The following EPHA6 variants were observed in gnomAD, a reference collection of about 807,000 sequenced individuals.
The protein encoded by EPHA6 is ephrin type-A receptor 6.
EPHA6 carries 50 observed loss-of-function variants against 112.0 expected under a neutral mutation model. The observed-to-expected ratio is 0.45, with a 90% CI of 0.36 to 0.56. The LOEUF is 0.56. Among genes scored for constraint, EPHA6 ranks in the 20% least tolerant of loss-of-function variants. The probability of loss-of-function intolerance (pLI) is 0.00; values close to 1 mark genes in which losing one functional copy is unlikely to be tolerated. For synonymous variants in EPHA6, 529 were observed against 490.7 expected, an observed-to-expected ratio of 1.08 and a Z score of -1.03; for missense variants, 1,280 against 1,417.4, an observed-to-expected ratio of 0.90 and a Z score of 1.56.
chr3:97,513,021 A>G (rs1034378256), intron 10 of EPHA6, among the ~76,000 whole-genome samples: 1 of 152,216 alleles, frequency 6.6e-6, no homozygotes, highest in Non-Finnish European at 1.5e-5. Context: ...ATAGAGAGTT[A>G]AATACCGATG....
Position 97,304,689 on chromosome 3 carries a change from G to A in EPHA6, c.1606+60402G>A, listed in dbSNP as rs535242872. Among the ~76,000 whole-genome samples, 8 of 151,976 alleles carry A rather than the reference G, an allele frequency of 5.3e-5. No individual in the cohort carries two copies. The South Asian group carries it at 1.2e-3, about 24-fold the overall frequency. ...AATAGTGCTGGGAAAACTGCCTATCGATATGCACAAAATTGAAATTGGACC... is the reference window on the plus strand; with the variant it reads ...AATAGTGCTGGGAAAACTGCCTATCAATATGCACAAAATTGAAATTGGACC... On this transcript the variant is annotated intron_variant, in intron 5 of 17. Transcript: ENST00000389672.
At chr3:97,185,442 G>T (rs2077100151) in intron 3 of EPHA6, among the ~76,000 whole-genome samples, 2 of 152,090 alleles carry the variant, frequency 1.3e-5, no homozygotes, top group Admixed American at 6.6e-5. Flanking sequence ...AGACATTTAT[G>T]CAGCCAACAG....
At chr3:96,816,657 C>G (rs545321634) in intron 1 of EPHA6, among the ~76,000 whole-genome samples, 5 of 151,956 alleles carry the variant, frequency 3.3e-5, no homozygotes, top group Non-Finnish European at 7.4e-5. Flanking sequence ...GCAATAATTT[C>G]CCCAAACAAT....
chr3:97,578,411 CA>C (rs2093407641), intron 11 of EPHA6, among the ~76,000 whole-genome samples: 2 of 152,186 alleles, frequency 1.3e-5, no homozygotes, highest in African/African-American at 4.8e-5. Flanking sequence ...CTGGAAATTG[CA>C]AACACTACTT....
intron 14 of EPHA6, among the ~76,000 whole-genome samples, chr3:97,701,421 G>T (rs1364840422): frequency 6.6e-6 from 1 of 152,088 alleles, no homozygotes; most frequent in Non-Finnish European, 1.5e-5. Context: ...AGGGACAGAT[G>T]CATCATTTAA....
intron 11 of EPHA6, among the ~76,000 whole-genome samples, chr3:97,538,110 C>G (rs2092788822): frequency 6.6e-6 from 1 of 151,806 alleles, no homozygotes; most frequent in South Asian, 2.1e-4. Context: ...ACCTAATAAG[C>G]AAAGTAATAA....
At chr3:97,032,828 A>G (rs2044921890) in intron 3 of EPHA6, among the ~76,000 whole-genome samples, 1 of 151,968 alleles carries the variant, frequency 6.6e-6, no homozygotes, top group Admixed American at 6.6e-5. Context: ...AAGGCAAAAT[A>G]TTTTTTATCG....
intron 14 of EPHA6, among the ~76,000 whole-genome samples, chr3:97,684,853 C>A (rs1383073634): frequency 6.6e-6 from 1 of 152,124 alleles, no homozygotes; most frequent in Non-Finnish European, 1.5e-5. Flanking sequence ...CAGATCCAGT[C>A]AAAACAGAAG....
chr3:97,068,662 C>T (rs1424806706), intron 3 of EPHA6, among the ~76,000 whole-genome samples: 1 of 151,770 alleles, frequency 6.6e-6, no homozygotes, highest in East Asian at 1.9e-4. Flanking sequence ...AATGTTTTAC[C>T]CCTACCCCAC....
intron 2 of EPHA6, among the ~76,000 whole-genome samples, chr3:96,901,341 A>T (rs2038598714): frequency 6.6e-6 from 1 of 152,146 alleles, no homozygotes; most frequent in African/African-American, 2.4e-5. Flanking sequence ...TTTGGGGACT[A>T]TACATGTATG....
intron 7 of EPHA6, among the ~76,000 whole-genome samples, chr3:97,457,493 A>T (rs2107362794): frequency 6.6e-6 from 1 of 152,318 alleles, no homozygotes; most frequent in East Asian, 1.9e-4. Flanking sequence ...AAAAATGTCC[A>T]AGTCAGGTTA....
intron 3 of EPHA6, among the ~76,000 whole-genome samples, chr3:97,014,292 C>T (rs2044191508): frequency 6.6e-6 from 1 of 151,574 alleles, no homozygotes; most frequent in South Asian, 2.1e-4. Flanking sequence ...AATTTTACTT[C>T]CTTCCTTCCT....
rs771887549 is a variant in EPHA6, at chr3:97,532,519, C to T, written c.2362C>T (p.Arg788Cys). 3.7e-6 allele frequency: 6 copies of T among 1,607,730 alleles called. No homozygotes were observed. Among genetic ancestry groups the T allele is most frequent in the African/African-American group, 1.3e-5 (1 of 74,552 alleles). ...CCAGTTTGACCATCCAAACATCATT[C>T]GCCTAGAAGGGGTTGTCACCAAAAG... Reference protein sequence around the residue: ...MGQFDHPNIIRLEGVVTKRSF... With the variant: ...MGQFDHPNIICLEGVVTKRSF... Residue 788 changes from arginine (R) to cysteine (C), a missense_variant, in exon 11 of 18, where the codon CGC becomes TGC. Arg to Cys is a radical substitution (Grantham distance 180). Coordinates refer to ENST00000389672, the MANE Select transcript of EPHA6 (RefSeq NM_001080448.3).
chr3:96,996,016 G>A (rs958994390), intron 3 of EPHA6, among the ~76,000 whole-genome samples: 2 of 152,116 alleles, frequency 1.3e-5, no homozygotes, highest in Non-Finnish European at 2.9e-5. Context: ...CAAAATTGGA[G>A]TCAGTCCTCT....
At position 97,664,682 on chromosome 3, in the gene EPHA6, TAAAC is replaced by T. The variant is rs1165375726; in HGVS notation, c.2784+26604_2784+26607del. On this transcript the variant is annotated intron_variant, in intron 14 of 17. Coordinates refer to ENST00000389672, the MANE Select transcript of EPHA6 (RefSeq NM_001080448.3). The stretch of plus-strand genomic sequence containing the variant: ...ATCATTCTTATACACCAATAACAGA[TAAAC>T]AAAGAGCCAAATCATGAGTGAACTC... Among the ~76,000 whole-genome samples, 3 of 152,176 alleles carry T rather than the reference TAAAC, an allele frequency of 2.0e-5. No homozygotes were observed. The East Asian group carries it at 5.8e-4, about 29-fold the overall frequency.
chr3:97,523,399 A>G (rs1297613589), intron 10 of EPHA6, among the ~76,000 whole-genome samples: 1 of 152,042 alleles, frequency 6.6e-6, no homozygotes, highest in Admixed American at 6.6e-5. Context: ...TATACTTGAT[A>G]TTATTTCAGC....
At chr3:97,231,770 T>C (rs2078532452) in intron 4 of EPHA6, among the ~76,000 whole-genome samples, 1 of 152,180 alleles carries the variant, frequency 6.6e-6, no homozygotes, top group Admixed American at 6.5e-5. Context: ...GTATCTCAGG[T>C]AATCCCTAGG....
intron 14 of EPHA6, among the ~76,000 whole-genome samples, chr3:97,642,745 G>A (rs2094020081): frequency 6.6e-6 from 1 of 151,748 alleles, no homozygotes; most frequent in African/African-American, 2.4e-5. Context: ...AGAGAAAAAA[G>A]AATAAAAAGA....
chr3:96,993,947 A>G (rs550788256), intron 3 of EPHA6, among the ~76,000 whole-genome samples: 8 of 152,198 alleles, frequency 5.3e-5, no homozygotes, highest in Non-Finnish European at 1.0e-4. Flanking sequence ...GTCATACTCC[A>G]TATCTACTGA....
Sources: allele counts gnomAD v4.1 joint callset (sites outside exome capture counted in the v4.1 genomes callset), GRCh38; gene constraint gnomAD v4.1.1; transcripts MANE v1.5; gene names NCBI Gene and HGNC (gene_info 2026-07-23, HGNC 2026-07-21).